CELF5: variants seen among roughly 807,000 people sequenced by gnomAD.
CELF5 encodes CUG-BP and ETR-3 like factor 5.
CELF5 carries 6 observed loss-of-function variants against 54.9 expected under a neutral mutation model. That is an observed-to-expected ratio of 0.11 (90% CI 0.06 to 0.22). The LOEUF (loss-of-function observed/expected upper bound fraction) is 0.22, where lower values mean the gene tolerates loss of function less well. Ranked by LOEUF, CELF5 falls within the 10% of genes least tolerant of loss-of-function variation. The pLI, the probability that CELF5 is intolerant of heterozygous loss-of-function variation, is 1.00. For missense variants in CELF5, 401 were observed against 678.6 expected, an observed-to-expected ratio of 0.59 and a Z score of 4.54; for synonymous variants, 271 against 290.9, an observed-to-expected ratio of 0.93 and a Z score of 0.70.
At chr19:3,235,674 ATGGATGTGTGGATGGG>A (rs1917541309) in intron 1 of CELF5, among the ~76,000 whole-genome samples, 2 of 47,264 alleles carry the variant, frequency 4.2e-5, no homozygotes, top group South Asian at 8.3e-4. Flanking sequence ...GGATGGATGG[ATGGATGTGTGGATGGG>A]TGGATGGATG....
rs1038716756 is a variant in CELF5 at position 3,282,625 on chromosome 19, G to T, written c.1039+127G>T. 15 of 1,082,288 alleles carry T rather than the reference G, an allele frequency of 1.4e-5. No individual in the cohort carries two copies. The African/African-American group carries it at 2.2e-4, about 16-fold the overall frequency. The allele number at this position is 1,082,288 out of a possible 1,614,324, so 67.0% of individuals were successfully genotyped here. Reference sequence around the variant, plus strand: ...GAAGGGCAGGAAAAAGGGTGTCTCCGCTGAGCAGATAAGAGCTGTGGACAC... The same window carrying T: ...GAAGGGCAGGAAAAAGGGTGTCTCCTCTGAGCAGATAAGAGCTGTGGACAC... On this transcript the variant is annotated intron_variant, in intron 8 of 12. Transcript: ENST00000292672. This position sits in a 1 kb window ranked among gnomAD's most constrained non-coding sequence, Gnocchi z 5.2.
chr19:3,259,757 C>T (rs908426135), intron 2 of CELF5, among the ~76,000 whole-genome samples: 6 of 151,026 alleles, frequency 4.0e-5, no homozygotes, highest in Non-Finnish European at 5.9e-5. Context: ...TGTCTGGGAA[C>T]ATTTACGGTT....
rs1555720976 is a variant in CELF5 at position 3,256,064 on chromosome 19, C to CAAAAAAAAAAAAAAAAAAAA, written c.342+5006_342+5007insAAAAAAAAAAAAAAAAAAAA. ...TGGGTGACAGAACAAGACCCTGTCT[C>CAAAAAAAAAAAAAAAAAAAA]AAAAAAAAAGGAAAGGTGCGAAGTG... On this transcript the variant is annotated intron_variant, in intron 2 of 12. Coordinates refer to ENST00000292672, the MANE Select transcript of CELF5 (RefSeq NM_021938.4). Among the ~76,000 whole-genome samples the CAAAAAAAAAAAAAAAAAAAA allele has an allele frequency of 1.5e-3, 209 of 139,392 alleles. 2 individuals are homozygous for CAAAAAAAAAAAAAAAAAAAA. Among genetic ancestry groups the CAAAAAAAAAAAAAAAAAAAA allele is most frequent in the African/African-American group, 5.2e-3 (193 of 37,098 alleles). 91.4% of individuals were successfully genotyped at this position (139,392 alleles called of 152,430 possible). A position where few individuals can be genotyped will look rare whatever the true frequency, so the allele number is the denominator to read the frequency against.
intron 2 of CELF5, among the ~76,000 whole-genome samples, chr19:3,266,026 C>T (rs369690014): frequency 5.5e-4 from 84 of 152,232 alleles, no homozygotes; most frequent in African/African-American, 1.8e-3. Context: ...AGGCTGGTCT[C>T]GAACTCCTGA....
intron 9 of CELF5, 36 bp downstream of exon 9, chr19:3,285,000 G>A (rs1220479481): frequency 2.6e-5 from 40 of 1,543,610 alleles, no homozygotes; most frequent in Non-Finnish European, 3.3e-5. Flanking sequence ...CTGGGCCCTG[G>A]CCCCGCCCCC....
At chr19:3,251,652 C>CTTTTTTTTTTTTT (rs1195812856) in intron 2 of CELF5, among the ~76,000 whole-genome samples, 33 of 67,108 alleles carry the variant, frequency 4.9e-4, no homozygotes, top group East Asian at 1.6e-3. Flanking sequence ...ACAAGGGCTT[C>CTTTTTTTTTTTTT]TTTTTTTTTT....
chr19:3,273,820 T>C (rs312928), intron 2 of CELF5, 52 bp from the exon 3 acceptor site: 787,090 of 1,070,890 alleles, frequency 0.73, 299,068 homozygotes, highest in East Asian at 0.96. Flanking sequence ...ACCCCCCGCC[T>C]GCCACACCCC....
intron 10 of CELF5, among the ~76,000 whole-genome samples, chr19:3,289,763 A>G (rs2080313070): frequency 7.1e-6 from 1 of 141,076 alleles, no homozygotes; most frequent in Non-Finnish European, 1.5e-5. Context: ...AATGAGTTTT[A>G]TTTTAGAGAC....
At chr19:3,241,327 C>T (rs536564427) in intron 1 of CELF5, among the ~76,000 whole-genome samples, 36 of 151,398 alleles carry the variant, frequency 2.4e-4, no homozygotes, top group African/African-American at 8.2e-4. Flanking sequence ...GTGATCCACC[C>T]GCCTCTGCCT....
intron 1 of CELF5, among the ~76,000 whole-genome samples, chr19:3,238,351 A>G (rs1267863783): frequency 6.6e-6 from 1 of 152,110 alleles, no homozygotes; most frequent in Non-Finnish European, 1.5e-5. Context: ...ACCAGGGTTC[A>G]TGTCTTTCTT....
chr19:3,295,009 T>C (rs1277781645), intron 12 of CELF5: 5 of 152,222 alleles, frequency 3.3e-5, no homozygotes, highest in African/African-American at 4.8e-5. Context: ...TGTGGCCCCG[T>C]TCTCACTCCC....
chr19:3,295,197 G>A (rs2145338397), intron 12 of CELF5: 1 of 152,310 alleles, frequency 6.6e-6, no homozygotes, highest in African/African-American at 2.4e-5. Flanking sequence ...GTGGCGAGGG[G>A]CCTTTGGGGT....
chr19:3,285,850 T>C lies in CELF5; in HGVS notation c.1103-92T>C, dbSNP rs2080237657. The C allele has an allele frequency of 1.3e-5, 5 of 392,116 alleles. No homozygotes were observed. The East Asian group carries it at 4.5e-4, about 36-fold the overall frequency. 24.3% of individuals were successfully genotyped at this position (392,116 alleles called of 1,614,324 possible). Reference sequence around the variant, plus strand: ...CCACTCCTGCCTTGGCCCCACCCTCTTATGGCCCCGCCCCCTCCCCGCCCA... The same window carrying C: ...CCACTCCTGCCTTGGCCCCACCCTCCTATGGCCCCGCCCCCTCCCCGCCCA... On this transcript the variant is annotated intron_variant, in intron 9 of 12. Transcript: ENST00000292672.
chr19:3,269,794 C>G (rs1049956299), intron 2 of CELF5, among the ~76,000 whole-genome samples: 2 of 152,110 alleles, frequency 1.3e-5, no homozygotes, highest in Non-Finnish European at 2.9e-5. Context: ...TAGGGTCTGG[C>G]TCTGTCGTCC....
At chr19:3,286,421 T>A (rs532298559) in intron 10 of CELF5, 1 of 203,214 alleles carries the variant, frequency 4.9e-6, no homozygotes, top group African/African-American at 2.3e-5. Context: ...GATTCTGGAG[T>A]CTGACAGTCA....
intron 1 of CELF5, among the ~76,000 whole-genome samples, chr19:3,244,444 ATC>A: frequency 7.1e-6 from 1 of 139,928 alleles, no homozygotes; most frequent in African/African-American, 2.7e-5. Context: ...GTGTGCATGC[ATC>A]TCTGTGTGTA....
At chr19:3,279,980 G>A (rs1231576762) in intron 5 of CELF5, among the ~76,000 whole-genome samples, 11 of 152,172 alleles carry the variant, frequency 7.2e-5, no homozygotes, top group African/African-American at 2.4e-5. Context: ...TGGGATTACA[G>A]GCATGAGCCA....
At chr19:3,279,923 G>A (rs185916555) in intron 5 of CELF5, among the ~76,000 whole-genome samples, 23 of 152,202 alleles carry the variant, frequency 1.5e-4, no homozygotes, top group African/African-American at 5.3e-4. Context: ...GGCTGATCTC[G>A]AACTCCTGAC....
At chr19:3,246,359 G>GTCTCTC (rs113436630) in intron 1 of CELF5, among the ~76,000 whole-genome samples, 43 of 146,950 alleles carry the variant, frequency 2.9e-4, no homozygotes, top group African/African-American at 6.8e-4. Flanking sequence ...TTGAGACTCA[G>GTCTCTC]TCTCTCTCTC....
Sources: gnomAD v4.1 joint callset for allele counts (sites outside exome capture counted in the v4.1 genomes callset) on GRCh38, gnomAD v4.1.1 for gene constraint, Gnocchi (gnomAD v3.1) non-coding constraint, MANE v1.5 for transcripts, NCBI Gene and HGNC (gene_info 2026-07-23, HGNC 2026-07-21) for gene names.